AFF3: variants seen among roughly 807,000 people sequenced by gnomAD.
The protein encoded by AFF3 is ALF transcription elongation factor 3.
A neutral mutation model predicts 129.7 loss-of-function variants in AFF3; 32 were observed. The observed-to-expected ratio is 0.25, with a 90% CI of 0.19 to 0.33. The LOEUF is 0.33. Among genes scored for constraint, AFF3 ranks in the 10% least tolerant of loss-of-function variants. The probability of loss-of-function intolerance (pLI) is 1.00; values close to 1 mark genes in which losing one functional copy is unlikely to be tolerated. For synonymous variants in AFF3, 644 were observed against 635.4 expected, an observed-to-expected ratio of 1.01 and a Z score of -0.20; for missense variants, 1,373 against 1,592.0, an observed-to-expected ratio of 0.86 and a Z score of 2.34.
intron 7 of AFF3, among the ~76,000 whole-genome samples, chr2:99,916,167 G>A (rs1384616548): frequency 6.6e-6 from 1 of 152,130 alleles, no homozygotes; most frequent in African/African-American, 2.4e-5. Flanking sequence ...CCCTACAGGA[G>A]AGCTCAGTTA....
chr2:99,618,425 G>A (rs986823841), intron 13 of AFF3, among the ~76,000 whole-genome samples: 1 of 151,628 alleles, frequency 6.6e-6, no homozygotes, highest in African/African-American at 2.4e-5. Context: ...TAGTAAAGAC[G>A]GAGTTTTGCC....
intron 4 of AFF3, among the ~76,000 whole-genome samples, chr2:100,032,128 G>C (rs1437309849): frequency 6.6e-6 from 1 of 152,116 alleles, no homozygotes; most frequent in Non-Finnish European, 1.5e-5. Context: ...GTAATGATTA[G>C]AAGTATGCCT....
intron 7 of AFF3, among the ~76,000 whole-genome samples, chr2:99,848,822 G>T (rs1033039868): frequency 1.3e-5 from 2 of 152,078 alleles, no homozygotes; most frequent in Non-Finnish European, 2.9e-5. Flanking sequence ...ACATAATCAC[G>T]CTAAGGAATA....
At chr2:100,121,634 G>T (rs558483553) in intron 2 of AFF3, among the ~76,000 whole-genome samples, 10 of 152,272 alleles carry the variant, frequency 6.6e-5, no homozygotes, top group Non-Finnish European at 1.2e-4. Context: ...AGAGGGGATG[G>T]GTTCAAATCA....
chr2:99,721,223 G>A (rs749997089), intron 11 of AFF3, among the ~76,000 whole-genome samples: 28 of 151,966 alleles, frequency 1.8e-4, no homozygotes, highest in Non-Finnish European at 3.8e-4. Context: ...AATTCTGAAG[G>A]ATATTTTTGA....
intron 13 of AFF3, among the ~76,000 whole-genome samples, chr2:99,614,486 G>T (rs1387594707): frequency 6.6e-6 from 1 of 152,196 alleles, no homozygotes; most frequent in African/African-American, 2.4e-5. Flanking sequence ...GAGACACAAG[G>T]CTTGATCCCC....
intron 13 of AFF3, among the ~76,000 whole-genome samples, chr2:99,605,999 T>A (rs1451036949): frequency 1.3e-5 from 2 of 152,150 alleles, no homozygotes; most frequent in South Asian, 2.1e-4. Flanking sequence ...AGGCTTTATA[T>A]ATTTAAAATT....
intron 1 of AFF3, among the ~76,000 whole-genome samples, chr2:100,130,719 T>C (rs1692396529): frequency 6.6e-6 from 1 of 152,094 alleles, no homozygotes; most frequent in Non-Finnish European, 1.5e-5. Context: ...GCAGTGTGGG[T>C]TGATGAGATC....
At chr2:99,600,392 C>A (rs541847610) in intron 14 of AFF3, among the ~76,000 whole-genome samples, 1 of 152,130 alleles carries the variant, frequency 6.6e-6, no homozygotes, top group Non-Finnish European at 1.5e-5. Context: ...AACTGAAGAG[C>A]CACTCTGTGA....
At chr2:99,995,379 C>CA (rs1680742180) in intron 7 of AFF3, among the ~76,000 whole-genome samples, 1 of 146,810 alleles carries the variant, frequency 6.8e-6, no homozygotes, top group Non-Finnish European at 1.5e-5. Context: ...TCATCTATTC[C>CA]TTTTTTTTTT....
At chr2:100,112,707 A>T (rs1259059942) in intron 2 of AFF3, among the ~76,000 whole-genome samples, 1 of 152,120 alleles carries the variant, frequency 6.6e-6, no homozygotes, top group Admixed American at 6.5e-5. Flanking sequence ...AGAAAAAAAG[A>T]AAGAAGCTGC....
At position 99,619,307 on chromosome 2, in the gene AFF3, C is replaced by T. The variant is rs567720805; in HGVS notation, c.1185-17686G>A. 8.5e-5 allele frequency among the ~76,000 whole-genome samples: 13 copies of T among 152,268 alleles called. No homozygotes were observed. In the East Asian group the frequency reaches 2.3e-3, roughly 27 times the overall value. ...GAATACAAGACTTAAGGATGATGAGCGAAAAAGATTTTTATGGAAACCAAA... is the reference window on the plus strand; with the variant it reads ...GAATACAAGACTTAAGGATGATGAGTGAAAAAGATTTTTATGGAAACCAAA... On this transcript the variant is annotated intron_variant, in intron 13 of 24. Transcript: ENST00000672756.
chr2:99,736,295 T>C lies in AFF3; in HGVS notation c.1039+7809A>G, dbSNP rs1173390954. On this transcript the variant is annotated intron_variant, in intron 10 of 24. Coordinates refer to ENST00000672756, the MANE Select transcript of AFF3 (RefSeq NM_001386135.1). ...AAATTTGAAGCTTTGCTATTTGGAATTTACATATATCAAATTATTTTGTCC... is the reference window on the plus strand; with the variant it reads ...AAATTTGAAGCTTTGCTATTTGGAACTTACATATATCAAATTATTTTGTCC... 2.6e-5 allele frequency among the ~76,000 whole-genome samples: 4 copies of C among 152,354 alleles called. No homozygotes were observed. In the East Asian group the frequency reaches 7.7e-4, roughly 29 times the overall value.
chr2:99,630,843 G>T (rs1247219987), intron 13 of AFF3: 1 of 247,334 alleles, frequency 4.0e-6, no homozygotes, highest in African/African-American at 2.3e-5. Flanking sequence ...GACATGTGGG[G>T]ATGACAATTC....
chr2:99,563,134 G>C (rs1451956212), intron 20 of AFF3, among the ~76,000 whole-genome samples: 1 of 152,108 alleles, frequency 6.6e-6, no homozygotes, highest in Non-Finnish European at 1.5e-5. Flanking sequence ...GTCTCAGTAG[G>C]GGAGAGGAGG....
At chr2:99,710,688 T>G (rs1041602963) in intron 11 of AFF3, among the ~76,000 whole-genome samples, 3 of 152,210 alleles carry the variant, frequency 2.0e-5, no homozygotes, top group Admixed American at 2.0e-4. Context: ...CCTGCCTGAA[T>G]GTGAAAGTTT....
intron 11 of AFF3, among the ~76,000 whole-genome samples, chr2:99,677,897 C>T (rs1021494025): frequency 1.3e-5 from 2 of 152,278 alleles, no homozygotes; most frequent in South Asian, 2.1e-4. Flanking sequence ...TAGCTCACTG[C>T]AGCCTTGAAC....
At position 99,852,040 on chromosome 2, in the gene AFF3, C is replaced by T. The variant is rs112756463; in HGVS notation, c.874-14516G>A. Among the ~76,000 whole-genome samples the T allele has an allele frequency of 5.9e-3, 904 of 152,304 alleles. 10 individuals carry two copies. The highest frequency in any genetic ancestry group is 0.021 in the African/African-American group (867 of 41,560). On this transcript the variant is annotated intron_variant, in intron 7 of 24. Transcript: ENST00000672756. The stretch of plus-strand genomic sequence containing the variant: ...ACACATGAACTGGTAACCCAGCAGT[C>T]AGCCACTGTGTGGCCTGCTACATTA...
chr2:99,713,592 T>C (rs1231444542), intron 11 of AFF3, among the ~76,000 whole-genome samples: 1 of 151,670 alleles, frequency 6.6e-6, no homozygotes, highest in Non-Finnish European at 1.5e-5. Flanking sequence ...TGAGGAACCT[T>C]GACCTAGATA....
Sources: allele counts gnomAD v4.1 joint callset (sites outside exome capture counted in the v4.1 genomes callset), GRCh38; gene constraint gnomAD v4.1.1; transcripts MANE v1.5; gene names NCBI Gene and HGNC (gene_info 2026-07-23, HGNC 2026-07-21).